Variants in ZC3H12B observed in about 807,000 individuals in gnomAD.
ZC3H12B encodes the protein probable ribonuclease ZC3H12B.
ZC3H12B carries 7 observed loss-of-function variants against 43.9 expected under a neutral mutation model. The ratio of observed to expected loss-of-function variants is 0.16; its 90% CI spans 0.09 to 0.30. The LOEUF (loss-of-function observed/expected upper bound fraction) is 0.30. Among genes scored for constraint, ZC3H12B ranks in the 10% least tolerant of loss-of-function variants. ZC3H12B has a pLI of 1.00. For synonymous variants in ZC3H12B, 222 were observed against 241.7 expected, an observed-to-expected ratio of 0.92 and a Z score of 0.76; for missense variants, 475 against 670.2, an observed-to-expected ratio of 0.71 and a Z score of 3.22.
intron 1 of ZC3H12B, among the ~76,000 whole-genome samples, chrX:65,367,142 T>G (rs1186452085): frequency 8.9e-6 from 1 of 111,923 alleles, no homozygotes; most frequent in Non-Finnish European, 1.9e-5. Flanking sequence ...TGTGACCCTT[T>G]TCTTGGCTAC....
intron 3 of ZC3H12B, among the ~76,000 whole-genome samples, chrX:65,472,016 A>C (rs2067922035): frequency 9.0e-6 from 1 of 111,496 alleles, no homozygotes; most frequent in African/African-American, 3.3e-5. Flanking sequence ...TGGTAGTGAA[A>C]AACTCCCTCA....
chrX:65,430,359 T>A (rs905277672), intron 3 of ZC3H12B, among the ~76,000 whole-genome samples: 11 of 109,343 alleles, frequency 1.0e-4, no homozygotes, highest in East Asian at 2.9e-4. Context: ...TTTTTTTTTT[T>A]AAACTTTAAG....
intron 3 of ZC3H12B, among the ~76,000 whole-genome samples, chrX:65,448,955 A>AAAAGAAAGAAAGAAAAAGAAAG (rs2067422832): frequency 5.1e-5 from 3 of 58,972 alleles, no homozygotes; most frequent in South Asian, 1.7e-3. Flanking sequence ...GAAAGAAAGA[A>AAAAGAAAGAAAGAAAAAGAAAG]AAAGAAAGAA....
At chrX:65,333,074 AT>A in the ZC3H12B span, among the ~76,000 whole-genome samples, 1 of 111,445 alleles carries the variant, frequency 9.0e-6, no homozygotes, top group East Asian at 2.8e-4. Flanking sequence ...AGTTGGGTAA[AT>A]TCTTCTCCTC....
At chrX:65,321,197 C>CAA in the ZC3H12B span, among the ~76,000 whole-genome samples, 13 of 108,903 alleles carry the variant, frequency 1.2e-4, no homozygotes, top group African/African-American at 4.4e-4. Context: ...GGATGTACAA[C>CAA]AAAAAAAACT....
intron 3 of ZC3H12B, among the ~76,000 whole-genome samples, chrX:65,481,660 T>C (rs1384706671): frequency 2.7e-5 from 3 of 111,904 alleles, no homozygotes; most frequent in Admixed American, 9.5e-5. Flanking sequence ...TTATTAAGCA[T>C]TCCTTGTTCT....
At chrX:65,122,936 G>T in the ZC3H12B span, among the ~76,000 whole-genome samples, 2 of 111,485 alleles carry the variant, frequency 1.8e-5, no homozygotes, top group Non-Finnish European at 3.8e-5. Flanking sequence ...AATAATAATG[G>T]GAGACTTTAA....
At chrX:65,491,120 G>C (rs1275332110) in intron 1 of ZC3H12B, among the ~76,000 whole-genome samples, 4 of 112,249 alleles carry the variant, frequency 3.6e-5, no homozygotes, top group Non-Finnish European at 7.5e-5. Context: ...AAGTAGTAAA[G>C]TGAGAACTCG....
At chrX:65,410,347 A>T (rs1232927511) in intron 3 of ZC3H12B, among the ~76,000 whole-genome samples, 1 of 112,100 alleles carries the variant, frequency 8.9e-6, no homozygotes, top group Non-Finnish European at 1.9e-5. Context: ...ATAAGACCTC[A>T]AACTATGAAA....
chrX:65,262,524 G>T, the ZC3H12B span, among the ~76,000 whole-genome samples: 1 of 111,166 alleles, frequency 9.0e-6, no homozygotes, highest in African/African-American at 3.3e-5. Context: ...TTTTATCGTG[G>T]TAAGGATAAA....
At chrX:65,469,256 C>A in intron 3 of ZC3H12B, 1 of 244,358 alleles carries the variant, frequency 4.1e-6, no homozygotes, top group Non-Finnish European at 8.0e-6. Context: ...AGGTGCCACT[C>A]ACCATCAACA....
At chrX:65,389,021 G>T (rs1186110743) in intron 2 of ZC3H12B, among the ~76,000 whole-genome samples, 1 of 111,952 alleles carries the variant, frequency 8.9e-6, no homozygotes, top group Non-Finnish European at 1.9e-5. Context: ...GGAGTAAGCG[G>T]CTGGGTGAGG....
At chrX:65,393,463 C>T (rs1028980965) in intron 2 of ZC3H12B, among the ~76,000 whole-genome samples, 2 of 110,300 alleles carry the variant, frequency 1.8e-5, no homozygotes, top group African/African-American at 3.3e-5. Flanking sequence ...CCACAACCCC[C>T]GAAAGGCCCT....
chrX:65,385,929 T>A lies in ZC3H12B; in HGVS notation n.296-12664T>A, dbSNP rs770821626. Among the ~76,000 whole-genome samples the A allele has an allele frequency of 2.7e-5, 3 of 112,482 alleles. No individual in the cohort carries two copies. The South Asian group carries it at 1.1e-3, about 41-fold the overall frequency. On this transcript the variant is annotated intron_variant and non_coding_transcript_variant, in intron 2 of 5. Coordinates refer to the ZC3H12B transcript ENST00000617377. Reference sequence around the variant, plus strand: ...ATGTGGTTTTTGTCTTTGGTTCTGTTGATATGCTGGATTACATTTATTGAT... The same window carrying A: ...ATGTGGTTTTTGTCTTTGGTTCTGTAGATATGCTGGATTACATTTATTGAT...
the ZC3H12B span, among the ~76,000 whole-genome samples, chrX:65,109,083 C>T: frequency 1.8e-5 from 2 of 111,683 alleles, no homozygotes; most frequent in African/African-American, 6.5e-5. Context: ...TACAATTCAA[C>T]ATAAGCAACC....
chrX:65,291,243 C>T, the ZC3H12B span, among the ~76,000 whole-genome samples: 89 of 110,572 alleles, frequency 8.0e-4, no homozygotes, highest in East Asian at 6.5e-3. Flanking sequence ...GGAAATTCCC[C>T]GACACAGTAA....
At chrX:65,163,330 G>C in the ZC3H12B span, among the ~76,000 whole-genome samples, 1 of 111,528 alleles carries the variant, frequency 9.0e-6, no homozygotes, top group African/African-American at 3.3e-5. Context: ...AGTCTGCAGA[G>C]GTTACTGCTG....
chrX:65,300,360 G>T, the ZC3H12B span, among the ~76,000 whole-genome samples: 134 of 111,818 alleles, frequency 1.2e-3, no homozygotes, highest in African/African-American at 4.2e-3. Context: ...CTTTTGTGCT[G>T]CGTGGGAGCT....
chrX:65,087,449 A>G, the ZC3H12B span, among the ~76,000 whole-genome samples: 3 of 112,271 alleles, frequency 2.7e-5, no homozygotes, highest in Non-Finnish European at 5.6e-5. Context: ...TAACTAAGGG[A>G]TATATACAAG....
Sources: gnomAD v4.1 joint callset for allele counts (sites outside exome capture counted in the v4.1 genomes callset) on GRCh38, gnomAD v4.1.1 for gene constraint, MANE v1.5 for transcripts, NCBI Gene and HGNC (gene_info 2026-07-23, HGNC 2026-07-21) for gene names.